Variants in UGP2 observed in about 807,000 individuals in gnomAD.
UGP2 encodes UTP--glucose-1-phosphate uridylyltransferase.
A neutral mutation model predicts 49.0 loss-of-function variants in UGP2; 40 were observed. The ratio of observed to expected loss-of-function variants is 0.82; its 90% CI spans 0.63 to 1.06. UGP2 has a LOEUF of 1.06. Ranked by LOEUF, UGP2 falls within the 50% of genes least tolerant of loss-of-function variation. The pLI is 0.00. For missense variants in UGP2, 460 were observed against 603.5 expected, an observed-to-expected ratio of 0.76 and a Z score of 2.49; for synonymous variants, 225 against 213.0, an observed-to-expected ratio of 1.06 and a Z score of -0.49.
chr2:63,872,421 A>G (rs568868932), intron 3 of UGP2, among the ~76,000 whole-genome samples: 31 of 152,340 alleles, frequency 2.0e-4, no homozygotes, highest in Admixed American at 4.6e-4. Context: ...CAACATTTGA[A>G]TATTTACTGT....
At chr2:63,855,382 G>A in intron 1 of UGP2, 1 of 477,156 alleles carries the variant, frequency 2.1e-6, no homozygotes, top group Non-Finnish European at 4.2e-6. Flanking sequence ...AGGATAGAAG[G>A]GGAAGGGTGG....
At chr2:63,880,181 C>CCCCTCCT (rs1159866364) in intron 3 of UGP2, among the ~76,000 whole-genome samples, 17 of 148,448 alleles carry the variant, frequency 1.1e-4, no homozygotes, top group African/African-American at 4.2e-4. Context: ...CTACCCCTCC[C>CCCCTCCT]CCCTCCTCCC....
chr2:63,884,214 T>G, intron 5 of UGP2, 121 bp downstream of exon 5: 1 of 1,185,340 alleles, frequency 8.4e-7, no homozygotes, highest in Non-Finnish European at 1.2e-6. Context: ...CACAAGTGTT[T>G]GATGCCCATA....
chr2:63,872,965 C>T (rs115932917), intron 3 of UGP2, among the ~76,000 whole-genome samples: 1,542 of 152,210 alleles, frequency 0.01, 25 homozygotes, highest in African/African-American at 0.036. Flanking sequence ...GTGAGCTCCA[C>T]GTATTACTGT....
At position 63,886,374 on chromosome 2, in the gene UGP2, A is replaced by C; in HGVS notation, c.907A>C (p.Arg303=). 6.2e-7 allele frequency: 1 copy of C among 1,614,190 alleles called. No individual in the cohort carries two copies. Among genetic ancestry groups the C allele is most frequent in the Non-Finnish European group, 8.5e-7 (1 of 1,180,022 alleles). The change falls in exon 7 of 10, where the codon AGA becomes CGA. Residue 303 remains arginine (R), a synonymous_variant. Transcript: ENST00000337130. ...GTLTQYEGKL[R]LVEIAQVPKA... is the part of the protein sequence containing the mutation. ...ACTCACTCAATATGAAGGCAAACTG[A>C]GACTGGTGGAAATTGCTCAAGTGCC...
intron 1 of UGP2, among the ~76,000 whole-genome samples, chr2:63,850,756 C>G (rs1668995108): frequency 6.6e-6 from 1 of 152,170 alleles, no homozygotes; most frequent in African/African-American, 2.4e-5. Context: ...ACAGTCTATA[C>G]TTATCTTAAC....
At chr2:63,863,889 G>C (rs948046980) in intron 3 of UGP2, among the ~76,000 whole-genome samples, 6 of 152,120 alleles carry the variant, frequency 3.9e-5, no homozygotes, top group Non-Finnish European at 8.8e-5. Flanking sequence ...GTAGAAGTAG[G>C]CCATTAAATA....
At chr2:63,848,917 A>G (rs1207789525) in intron 1 of UGP2, among the ~76,000 whole-genome samples, 1 of 152,248 alleles carries the variant, frequency 6.6e-6, no homozygotes, top group Non-Finnish European at 1.5e-5. Flanking sequence ...CTCTGCCAAC[A>G]GTTCCGTTGT....
chr2:63,841,674 C>G (rs998655337), upstream of UGP2: 1 of 153,148 alleles, frequency 6.5e-6, no homozygotes, highest in Admixed American at 6.5e-5. Context: ...GCCCGCCTCC[C>G]CGACCCCTGC....
intron 3 of UGP2, among the ~76,000 whole-genome samples, chr2:63,861,313 G>T (rs1669825666): frequency 6.6e-6 from 1 of 152,050 alleles, no homozygotes; most frequent in Non-Finnish European, 1.5e-5. Context: ...CATGGACAGG[G>T]ATGGGAAATA....
intron 3 of UGP2, among the ~76,000 whole-genome samples, chr2:63,860,662 A>G (rs558103599): frequency 9.9e-5 from 15 of 151,988 alleles, no homozygotes; most frequent in African/African-American, 3.6e-4. Context: ...TGGCACAGTC[A>G]TAGCTCACTA....
chr2:63,869,492 G>T (rs1645254395), intron 3 of UGP2, among the ~76,000 whole-genome samples: 1 of 152,104 alleles, frequency 6.6e-6, no homozygotes, highest in African/African-American at 2.4e-5. Flanking sequence ...TGTAGTAATT[G>T]GTCATTGGAT....
intron 3 of UGP2, among the ~76,000 whole-genome samples, chr2:63,878,948 G>A (rs1671110670): frequency 6.6e-6 from 1 of 151,488 alleles, no homozygotes; most frequent in Non-Finnish European, 1.5e-5. Context: ...TTTTCTTCTG[G>A]TGAAATTTTA....
At chr2:63,848,971 A>C (rs1668861193) in intron 1 of UGP2, among the ~76,000 whole-genome samples, 1 of 152,208 alleles carries the variant, frequency 6.6e-6, no homozygotes, top group Non-Finnish European at 1.5e-5. Context: ...TTGTGCCCCC[A>C]ATCCATTTTA....
chr2:63,862,073 A>C (rs1397648640), intron 3 of UGP2, among the ~76,000 whole-genome samples: 1 of 152,086 alleles, frequency 6.6e-6, no homozygotes, highest in Non-Finnish European at 1.5e-5. Context: ...CAATCTGGCC[A>C]AGCATCTGAT....
At chr2:63,865,783 C>T (rs1044787496) in intron 3 of UGP2, among the ~76,000 whole-genome samples, 2 of 152,042 alleles carry the variant, frequency 1.3e-5, no homozygotes, top group African/African-American at 4.8e-5. Context: ...GATTCTCCTA[C>T]CTAGGTCTCC....
At chr2:63,860,769 T>G (rs1669782736) in intron 3 of UGP2, among the ~76,000 whole-genome samples, 1 of 148,896 alleles carries the variant, frequency 6.7e-6, no homozygotes, top group Admixed American at 6.7e-5. Context: ...CTAATTTTTT[T>G]TTTTTTTTTT....
chr2:63,855,649 C>T, intron 1 of UGP2: 1 of 438,616 alleles, frequency 2.3e-6, no homozygotes, highest in South Asian at 1.6e-5. Context: ...TCAAGGTATC[C>T]TCCTGCTTCA....
chr2:63,863,251 T>G (rs1669969266), intron 3 of UGP2, among the ~76,000 whole-genome samples: 3 of 152,182 alleles, frequency 2.0e-5, no homozygotes, highest in Non-Finnish European at 4.4e-5. Flanking sequence ...CTAGATACAG[T>G]AAGGTTTAGG....
Sources: gnomAD v4.1 joint callset for allele counts (sites outside exome capture counted in the v4.1 genomes callset) on GRCh38, gnomAD v4.1.1 for gene constraint, MANE v1.5 for transcripts, NCBI Gene and HGNC (gene_info 2026-07-23, HGNC 2026-07-21) for gene names.